The following SV2C variants were observed in gnomAD, a reference collection of about 807,000 sequenced individuals.
SV2C encodes the protein solute carrier family 22 member B3.
SV2C carries 49 observed loss-of-function variants against 79.7 expected under a neutral mutation model. That is an observed-to-expected ratio of 0.61 (90% confidence interval 0.49 to 0.78). The LOEUF (loss-of-function observed/expected upper bound fraction) is 0.78. Among genes scored for constraint, SV2C ranks in the 30% least tolerant of loss-of-function variants. SV2C has a pLI of 0.00. For synonymous variants in SV2C, 334 were observed against 333.2 expected (o/e 1.00, Z -0.03); for missense variants, 833 against 912.9 (o/e 0.91, Z 1.13).
chr5:76,252,984 G>GTAATACATATTGTTA (rs1746158930), intron 4 of SV2C, among the ~76,000 whole-genome samples: 1 of 152,150 alleles, frequency 6.6e-6, no homozygotes, highest in Non-Finnish European at 1.5e-5. Context: ...CAAAAATTGT[G>GTAATACATATTGTTA]TAATACATAT....
chr5:75,856,078 A>G, the SV2C span, among the ~76,000 whole-genome samples: 1 of 152,210 alleles, frequency 6.6e-6, no homozygotes, highest in African/African-American at 2.4e-5. Flanking sequence ...TTTACTTAAC[A>G]TAATGATCTC....
the SV2C span, among the ~76,000 whole-genome samples, chr5:76,031,685 A>G: frequency 6.6e-6 from 1 of 152,240 alleles, no homozygotes; most frequent in Non-Finnish European, 1.5e-5. Context: ...CTTTATTATT[A>G]CCTAGGTCAC....
At chr5:76,339,670 TGCCACTGCACTCCA>T (rs370541757) in intron 12 of SV2C, among the ~76,000 whole-genome samples, 9,583 of 149,388 alleles carry the variant, frequency 0.064, 948 homozygotes, top group African/African-American at 0.21. Context: ...GCCAAGATTG[TGCCACTGCACTCCA>T]GCCTGGGCGA....
At chr5:76,290,177 A>G (rs1747510261) in intron 6 of SV2C, among the ~76,000 whole-genome samples, 1 of 152,210 alleles carries the variant, frequency 6.6e-6, no homozygotes, top group South Asian at 2.1e-4. Context: ...TTGGAATTCC[A>G]TATTTAACTC....
chr5:75,969,251 G>A, the SV2C span, among the ~76,000 whole-genome samples: 2 of 152,158 alleles, frequency 1.3e-5, no homozygotes, highest in Non-Finnish European at 2.9e-5. Flanking sequence ...TCAAGCCTAG[G>A]AAGAAAATGC....
the SV2C span, among the ~76,000 whole-genome samples, chr5:76,030,706 G>A: frequency 6.6e-6 from 1 of 151,738 alleles, no homozygotes; most frequent in Non-Finnish European, 1.5e-5. Context: ...AGGCTGCAGT[G>A]AGCTGAGATC....
intron 2 of SV2C, among the ~76,000 whole-genome samples, chr5:76,189,862 G>A (rs181533820): frequency 1.9e-4 from 29 of 152,170 alleles, no homozygotes; most frequent in African/African-American, 7.0e-4. Flanking sequence ...TCTTTTGCAA[G>A]TCATCTTCCC....
chr5:75,891,462 T>A, the SV2C span, among the ~76,000 whole-genome samples: 1 of 152,154 alleles, frequency 6.6e-6, no homozygotes, highest in Non-Finnish European at 1.5e-5. Context: ...CATTTTGGTT[T>A]ATCCAAGTAC....
the SV2C span, among the ~76,000 whole-genome samples, chr5:76,057,364 G>A: frequency 2.0e-5 from 3 of 151,906 alleles, no homozygotes. Context: ...ATCTCCTAAT[G>A]CTATCCCACC....
At chr5:76,231,544 G>C (rs113731785) in intron 4 of SV2C, among the ~76,000 whole-genome samples, 1 of 145,928 alleles carries the variant, frequency 6.9e-6, no homozygotes, top group Non-Finnish European at 1.5e-5. Context: ...CCACTAACTC[G>C]TCATCTAGCA....
chr5:75,971,326 G>A, the SV2C span, among the ~76,000 whole-genome samples: 5,010 of 152,038 alleles, frequency 0.033, 252 homozygotes, highest in African/African-American at 0.11. Context: ...TCTGGCCAGG[G>A]CAATCAGGCA....
At chr5:76,012,909 G>T in the SV2C span, among the ~76,000 whole-genome samples, 2 of 152,106 alleles carry the variant, frequency 1.3e-5, no homozygotes, top group Non-Finnish European at 2.9e-5. Context: ...AAGATCAGAT[G>T]GTTGTAGATG....
At chr5:76,037,613 C>G in the SV2C span, among the ~76,000 whole-genome samples, 1 of 152,186 alleles carries the variant, frequency 6.6e-6, no homozygotes, top group African/African-American at 2.4e-5. Context: ...TCTCAGATCT[C>G]CAGCTGCGTG....
chr5:76,026,643 G>T, the SV2C span, among the ~76,000 whole-genome samples: 2 of 152,220 alleles, frequency 1.3e-5, no homozygotes, highest in African/African-American at 4.8e-5. Context: ...AATCACTAGA[G>T]AGCTAGACGT....
chr5:76,269,719 T>G (rs930992450), intron 4 of SV2C, among the ~76,000 whole-genome samples: 1 of 152,212 alleles, frequency 6.6e-6, no homozygotes, highest in Non-Finnish European at 1.5e-5. Context: ...TACATCCACC[T>G]CTGCCAGAGG....
At chr5:76,106,205 G>A (rs1162998421) in intron 1 of SV2C, among the ~76,000 whole-genome samples, 1 of 151,978 alleles carries the variant, frequency 6.6e-6, no homozygotes, top group African/African-American at 2.4e-5. Context: ...TTCCTCTTGT[G>A]TACCGCATCA....
intron 1 of SV2C, among the ~76,000 whole-genome samples, chr5:76,115,963 T>C (rs1209222573): frequency 6.6e-6 from 1 of 152,240 alleles, no homozygotes; most frequent in Non-Finnish European, 1.5e-5. Flanking sequence ...TCTGAGCCTC[T>C]GGGGAGCAGC....
chr5:76,140,348 C>A (rs1749210441), intron 2 of SV2C, among the ~76,000 whole-genome samples: 1 of 152,086 alleles, frequency 6.6e-6, no homozygotes, highest in Admixed American at 6.6e-5. Context: ...TTTGTTTGAC[C>A]TTCTAGGAAG....
chr5:75,932,597 G>A, the SV2C span, among the ~76,000 whole-genome samples: 9 of 152,324 alleles, frequency 5.9e-5, 1 homozygote, highest in South Asian at 1.0e-3. Context: ...AGCATTCTTC[G>A]TGAAGAGCAG....
Sources: gnomAD v4.1 joint callset for allele counts (sites outside exome capture counted in the v4.1 genomes callset) on GRCh38, gnomAD v4.1.1 for gene constraint, MANE v1.5 for transcripts, NCBI Gene and HGNC (gene_info 2026-07-23, HGNC 2026-07-21) for gene names.